The following EXOC4 variants were observed in gnomAD, a reference collection of about 807,000 sequenced individuals.
EXOC4 encodes SEC8-like 1.
Under a neutral mutation model 107.2 loss-of-function variants are expected in EXOC4, and 71 were observed. The ratio of observed to expected loss-of-function variants is 0.66; its 90% CI spans 0.55 to 0.81. The LOEUF (loss-of-function observed/expected upper bound fraction) is 0.81, where lower values mean the gene tolerates loss of function less well. Ranked by LOEUF, EXOC4 falls within the 30% of genes least tolerant of loss-of-function variation. EXOC4 has a pLI of 0.00. For synonymous variants in EXOC4, 456 were observed against 441.2 expected (o/e 1.03, Z -0.42); for missense variants, 1,108 against 1,189.6 (o/e 0.93, Z 1.01).
intron 9 of EXOC4, among the ~76,000 whole-genome samples, chr7:133,553,668 C>G (rs1341182578): frequency 6.6e-6 from 1 of 152,020 alleles, no homozygotes; most frequent in Non-Finnish European, 1.5e-5. Flanking sequence ...CCTCTTTTGC[C>G]AGGCCTGATG....
intron 9 of EXOC4, among the ~76,000 whole-genome samples, chr7:133,534,389 G>C (rs1488267405): frequency 6.6e-6 from 1 of 152,136 alleles, no homozygotes; most frequent in East Asian, 1.9e-4. Context: ...AATCAGCCCT[G>C]AGTTGTCATT....
chr7:133,853,864 G>A (rs1442654612), intron 11 of EXOC4, among the ~76,000 whole-genome samples: 1 of 152,202 alleles, frequency 6.6e-6, no homozygotes, highest in African/African-American at 2.4e-5. Flanking sequence ...CGAGCAGCCT[G>A]TTTGTGCTGT....
intron 11 of EXOC4, among the ~76,000 whole-genome samples, chr7:133,846,243 A>G (rs559989914): frequency 2.6e-4 from 40 of 152,352 alleles, no homozygotes; most frequent in Middle Eastern, 3.4e-3. Flanking sequence ...TTAGACTTTC[A>G]TATAATCTTT....
chr7:133,835,343 T>C (rs1387147948), intron 11 of EXOC4, among the ~76,000 whole-genome samples: 1 of 152,200 alleles, frequency 6.6e-6, no homozygotes, highest in East Asian at 1.9e-4. Context: ...GGGTGCAGCC[T>C]TGTTTTATAC....
intron 6 of EXOC4, among the ~76,000 whole-genome samples, chr7:133,359,993 C>T (rs1002092543): frequency 1.3e-5 from 2 of 152,180 alleles, no homozygotes; most frequent in African/African-American, 4.8e-5. Flanking sequence ...AAATATTCAA[C>T]CACAATTATT....
At chr7:133,501,529 TGTCA>T (rs1345291227) in intron 9 of EXOC4, among the ~76,000 whole-genome samples, 2 of 152,278 alleles carry the variant, frequency 1.3e-5, no homozygotes, top group East Asian at 1.9e-4. Context: ...TGATAATATA[TGTCA>T]GTCAGAAACA....
intron 10 of EXOC4, among the ~76,000 whole-genome samples, chr7:133,729,560 A>T (rs1418350010): frequency 6.6e-6 from 1 of 152,130 alleles, no homozygotes; most frequent in African/African-American, 2.4e-5. Context: ...GGGAGCAATG[A>T]AAAGGCCTCA....
intron 14 of EXOC4, among the ~76,000 whole-genome samples, chr7:133,963,095 C>T (rs1255630275): frequency 1.3e-5 from 2 of 152,184 alleles, no homozygotes; most frequent in South Asian, 2.1e-4. Flanking sequence ...AAGGGAGTAC[C>T]GCAGCCTGTG....
chr7:133,994,757 T>TTG lies in EXOC4; in HGVS notation c.2207-2705_2207-2704dup, dbSNP rs68167254. Among the ~76,000 whole-genome samples, 1,348 of 148,568 alleles carry TTG rather than the reference T, an allele frequency of 9.1e-3. 10 individuals carry two copies. Among genetic ancestry groups the TTG allele is most frequent in the African/African-American group, 0.022 (888 of 40,448 alleles). ...GCCTTTAAAGGGTATGTACAAGGTT[T>TTG]TGTGTGTGTGTGTGTGTGTGTGTGT... On this transcript the variant is annotated intron_variant, in intron 14 of 17. Transcript: ENST00000253861.
At chr7:133,598,169 C>T (rs1006672247) in intron 9 of EXOC4, among the ~76,000 whole-genome samples, 2 of 152,174 alleles carry the variant, frequency 1.3e-5, no homozygotes, top group African/African-American at 4.8e-5. Flanking sequence ...GGACAAAAGC[C>T]TTACCTAACT....
At chr7:133,728,922 T>C (rs986859888) in intron 10 of EXOC4, among the ~76,000 whole-genome samples, 6 of 152,204 alleles carry the variant, frequency 3.9e-5, no homozygotes, top group Non-Finnish European at 7.4e-5. Context: ...AAAGCCTTCC[T>C]TTAATGCAAA....
At chr7:133,940,222 A>G (rs1054305438) in intron 14 of EXOC4, among the ~76,000 whole-genome samples, 1 of 152,246 alleles carries the variant, frequency 6.6e-6, no homozygotes, top group East Asian at 1.9e-4. Context: ...TGATTTACAC[A>G]GGCTAACCTG....
chr7:133,911,050 G>C (rs575351443), intron 12 of EXOC4, among the ~76,000 whole-genome samples: 3 of 152,244 alleles, frequency 2.0e-5, no homozygotes, highest in African/African-American at 7.2e-5. Flanking sequence ...TATCTCGAGG[G>C]TGGACCTTTC....
intron 10 of EXOC4, among the ~76,000 whole-genome samples, chr7:133,682,792 G>C (rs1050413675): frequency 1.3e-5 from 2 of 152,172 alleles, no homozygotes; most frequent in Non-Finnish European, 2.9e-5. Context: ...ACCACATAGA[G>C]TTTGAGGCTC....
At chr7:133,622,407 TTTTTG>T (rs1194969926) in intron 9 of EXOC4, among the ~76,000 whole-genome samples, 1 of 152,130 alleles carries the variant, frequency 6.6e-6, no homozygotes, top group Non-Finnish European at 1.5e-5. Flanking sequence ...TCCCTTCATG[TTTTTG>T]ACATCCAGGG....
chr7:133,365,946 C>A (rs573353042), intron 6 of EXOC4, among the ~76,000 whole-genome samples: 10 of 152,246 alleles, frequency 6.6e-5, no homozygotes, highest in Admixed American at 6.5e-4. Flanking sequence ...AATAAACATT[C>A]TATGGTTATT....
chr7:133,274,735 A>G (rs905218335), intron 1 of EXOC4, among the ~76,000 whole-genome samples: 115 of 152,234 alleles, frequency 7.6e-4, no homozygotes, highest in African/African-American at 2.6e-3. Flanking sequence ...TCTGATTAAA[A>G]TCAGTTCTAA....
chr7:133,820,713 TG>T (rs1452472260), intron 11 of EXOC4, among the ~76,000 whole-genome samples: 4 of 152,356 alleles, frequency 2.6e-5, no homozygotes, highest in Admixed American at 2.6e-4. Flanking sequence ...CCTTTCCCTG[TG>T]GCAACACCCA....
intron 10 of EXOC4, among the ~76,000 whole-genome samples, chr7:133,703,108 CAT>C (rs565184943): frequency 9.6e-4 from 146 of 152,268 alleles, no homozygotes; most frequent in African/African-American, 3.2e-3. Context: ...TCTCACTTGA[CAT>C]GTGAAATCCT....
Sources: gnomAD v4.1 joint callset for allele counts (sites outside exome capture counted in the v4.1 genomes callset) on GRCh38, gnomAD v4.1.1 for gene constraint, MANE v1.5 for transcripts, NCBI Gene and HGNC (gene_info 2026-07-23, HGNC 2026-07-21) for gene names.